Variants in LPIN1 observed in about 807,000 individuals in gnomAD.
LPIN1 encodes the protein phosphatidate phosphatase LPIN1.
In LPIN1, 71 loss-of-function variants were observed where a neutral mutation model predicts 107.5. That is an observed-to-expected ratio of 0.66 (90% CI 0.55 to 0.80). The LOEUF is 0.80. Ranked by LOEUF, LPIN1 falls within the 30% of genes least tolerant of loss-of-function variation. The pLI, the probability that LPIN1 is intolerant of heterozygous loss-of-function variation, is 0.00. For missense variants in LPIN1, 1,043 were observed against 1,160.6 expected (o/e 0.90, Z 1.47); for synonymous variants, 445 against 452.6 (o/e 0.98, Z 0.21).
intron 11 of LPIN1, 39 bp from the exon 12 acceptor site, chr2:11,788,348 C>T (rs763781894): frequency 6.6e-7 from 1 of 1,506,692 alleles, no homozygotes; most frequent in Non-Finnish European, 9.2e-7. Flanking sequence ...TCAGTCTGAG[C>T]CTCGGTTTTT....
chr2:11,820,985 G>T (rs1208581513), intron 20 of LPIN1, among the ~76,000 whole-genome samples: 1 of 152,170 alleles, frequency 6.6e-6, no homozygotes, highest in African/African-American at 2.4e-5. Context: ...TTCTGAGTCG[G>T]TGGGCTAAAT....
chr2:11,815,531 C>G (rs1349488850), intron 18 of LPIN1, among the ~76,000 whole-genome samples: 1 of 152,092 alleles, frequency 6.6e-6, no homozygotes, highest in African/African-American at 2.4e-5. Context: ...CAGTCTGTGT[C>G]TCCCAGACAA....
At chr2:11,816,246 A>G (rs1268735058) in intron 18 of LPIN1, 1 of 152,232 alleles carries the variant, frequency 6.6e-6, no homozygotes, top group Non-Finnish European at 1.5e-5. Context: ...AAATTGAGAC[A>G]TGCACATTCT....
intron 2 of LPIN1, among the ~76,000 whole-genome samples, chr2:11,717,068 A>G (rs1249596716): frequency 6.6e-6 from 1 of 152,108 alleles, no homozygotes; most frequent in East Asian, 1.9e-4. Flanking sequence ...TGGAGGGAGC[A>G]TGTTTTGTCG....
Position 11,771,605 on chromosome 2 carries a change from C to T in LPIN1, c.522C>T (p.Asn174=), listed in dbSNP as rs780551080. Residue 174 remains asparagine (N), a synonymous_variant, in exon 4 of 21, where the codon AAC becomes AAT. Coordinates refer to ENST00000674199, the MANE Select transcript of LPIN1 (RefSeq NM_001349206.2). This position sits in a 1 kb window ranked among gnomAD's most constrained non-coding sequence, Gnocchi z 4.8. ...GCCTGAAGAGAGATGACAACATGAACACATCTGAGGATGAGGACATGTTCC... is the reference window on the plus strand; with the variant it reads ...GCCTGAAGAGAGATGACAACATGAATACATCTGAGGATGAGGACATGTTCC... ...LDSLKRDDNM[N]TSEDEDMFPI... 1.2e-6 allele frequency: 2 copies of T among 1,611,288 alleles called. No individual in the cohort carries two copies. The highest frequency in any genetic ancestry group is 4.5e-5 in the East Asian group (2 of 44,824).
chr2:11,742,485 A>T (rs1333593445), upstream of LPIN1, among the ~76,000 whole-genome samples: 1 of 152,184 alleles, frequency 6.6e-6, no homozygotes, highest in African/African-American at 2.4e-5. Context: ...ACACTTGTTT[A>T]GCAAGGTCAT....
chr2:11,772,591 G>T (rs1672031267), intron 4 of LPIN1, among the ~76,000 whole-genome samples: 1 of 152,166 alleles, frequency 6.6e-6, no homozygotes, highest in African/African-American at 2.4e-5. Context: ...TTCTCTATAA[G>T]CCAACTTTTT....
chr2:11,814,506 GTGTGCA>G (rs1359473157), intron 17 of LPIN1, among the ~76,000 whole-genome samples: 10 of 138,006 alleles, frequency 7.2e-5, no homozygotes, highest in Admixed American at 3.8e-4. Flanking sequence ...GTTTTGGTGT[GTGTGCA>G]TGTGTGTGTG....
At chr2:11,738,276 C>A (rs1271225700) in intron 1 of LPIN1, among the ~76,000 whole-genome samples, 1 of 151,600 alleles carries the variant, frequency 6.6e-6, no homozygotes, top group East Asian at 1.9e-4. Flanking sequence ...AGGAGAAACA[C>A]CTAATGTAGA....
At chr2:11,792,898 C>T (rs926247676) in intron 13 of LPIN1, among the ~76,000 whole-genome samples, 2 of 152,186 alleles carry the variant, frequency 1.3e-5, no homozygotes, top group Non-Finnish European at 2.9e-5. Flanking sequence ...CTCCTCCTCC[C>T]AGCAGGCTGC....
chr2:11,787,184 A>C lies in LPIN1; in HGVS notation c.1643+17A>C. 1.9e-6 allele frequency: 3 copies of C among 1,555,134 alleles called. No homozygotes were observed. The highest frequency in any genetic ancestry group is 3.3e-4 in the Middle Eastern group (2 of 5,976). ...TGGGAGTAAGTAAGTACCTCTTGAAAGTCACTTTGGCAGTAGCATGATACT... is the reference window on the plus strand; with the variant it reads ...TGGGAGTAAGTAAGTACCTCTTGAACGTCACTTTGGCAGTAGCATGATACT... On this transcript the variant is annotated intron_variant, in intron 11 of 20. Coordinates refer to ENST00000674199, the MANE Select transcript of LPIN1 (RefSeq NM_001349206.2).
At chr2:11,768,979 A>T (rs529267102) in intron 3 of LPIN1, among the ~76,000 whole-genome samples, 101 of 151,996 alleles carry the variant, frequency 6.6e-4, no homozygotes, top group Admixed American at 3.9e-3. Flanking sequence ...AAAAAAACCA[A>T]CTTGGGTTGT....
intron 15 of LPIN1, among the ~76,000 whole-genome samples, chr2:11,804,031 A>C (rs896516669): frequency 6.6e-6 from 1 of 152,206 alleles, no homozygotes; most frequent in African/African-American, 2.4e-5. Flanking sequence ...CTGAATGATG[A>C]TCTTCCTATT....
intron 1 of LPIN1, among the ~76,000 whole-genome samples, chr2:11,753,356 T>C (rs1380422720): frequency 1.3e-5 from 2 of 152,190 alleles, no homozygotes; most frequent in Non-Finnish European, 2.9e-5. Context: ...TAGTGAGTTT[T>C]TGTATTTTGG....
At chr2:11,718,538 A>G (rs1335441023) in intron 2 of LPIN1, among the ~76,000 whole-genome samples, 1 of 152,148 alleles carries the variant, frequency 6.6e-6, no homozygotes, top group Non-Finnish European at 1.5e-5. Context: ...GAATGCTTGC[A>G]TGTCTTAATC....
chr2:11,706,100 T>C (rs937797590), intron 1 of LPIN1, among the ~76,000 whole-genome samples: 4 of 152,212 alleles, frequency 2.6e-5, no homozygotes, highest in East Asian at 1.9e-4. Context: ...TCCAACATGA[T>C]TGTGAGGCCT....
At chr2:11,813,525 ATACT>A (rs963192441) in intron 17 of LPIN1, among the ~76,000 whole-genome samples, 4 of 152,274 alleles carry the variant, frequency 2.6e-5, no homozygotes, top group Admixed American at 1.3e-4. Context: ...AGGGCGGCGC[ATACT>A]TTCTTTTTTT....
At chr2:11,805,606 C>G (rs915639759) in intron 17 of LPIN1, 1 of 302,330 alleles carries the variant, frequency 3.3e-6, no homozygotes, top group Non-Finnish European at 6.5e-6. Context: ...TCATGTCTAC[C>G]TGGTCTGTGG....
At position 11,784,647 on chromosome 2, in the gene LPIN1, C is replaced by A. The variant is rs1055977508; in HGVS notation, c.1359-239C>A. On this transcript the variant is annotated intron_variant, in intron 9 of 20. Transcript: ENST00000674199. ...CAGGGAGGACAGCTTGCTTCTTCTT[C>A]AGTATATTTTAGGGGGATACAGGGA... The A allele has an allele frequency of 6.1e-5, 36 of 589,044 alleles. No homozygotes were observed. In the South Asian group the frequency reaches 6.6e-4, roughly 11 times the overall value. The allele number at this position is 589,044 out of a possible 1,614,324, so 36.5% of individuals were successfully genotyped here. A position where few individuals can be genotyped will look rare whatever the true frequency, so the allele number is the denominator to read the frequency against.
Sources: gnomAD v4.1 joint callset for allele counts (sites outside exome capture counted in the v4.1 genomes callset) on GRCh38, gnomAD v4.1.1 for gene constraint, Gnocchi (gnomAD v3.1) non-coding constraint, MANE v1.5 for transcripts, NCBI Gene and HGNC (gene_info 2026-07-23, HGNC 2026-07-21) for gene names.